VPS13B: variants seen among roughly 807,000 people sequenced by gnomAD.
VPS13B encodes the protein intermembrane lipid transfer protein VPS13B.
In VPS13B, 285 loss-of-function variants were observed where a neutral mutation model predicts 426.4. The observed-to-expected ratio is 0.67, with a 90% confidence interval of 0.61 to 0.74. The LOEUF (loss-of-function observed/expected upper bound fraction) is 0.74. Among genes scored for constraint, VPS13B ranks in the 30% least tolerant of loss-of-function variants. The probability of loss-of-function intolerance (pLI) is 0.00; values close to 1 mark genes in which losing one functional copy is unlikely to be tolerated. For missense variants in VPS13B, 4,537 were observed against 4,782.6 expected (o/e 0.95, Z 1.51); for synonymous variants, 1,676 against 1,676.4 (o/e 1.00, Z 0.01).
intron 19 of VPS13B, among the ~76,000 whole-genome samples, chr8:99,303,726 G>A (rs1458071267): frequency 1.1e-3 from 6 of 5,680 alleles, no homozygotes; most frequent in South Asian, 0.029. Flanking sequence ...GTGAGACTCC[G>A]TCTCAAAAAA....
intron 3 of VPS13B, among the ~76,000 whole-genome samples, chr8:99,088,058 C>T (rs529456550): frequency 2.6e-5 from 4 of 151,770 alleles, no homozygotes; most frequent in South Asian, 2.1e-4. Flanking sequence ...GTGGCATGCA[C>T]GTGTAATCCC....
intron 2 of VPS13B, among the ~76,000 whole-genome samples, chr8:99,021,173 A>G (rs1841863688): frequency 6.6e-6 from 1 of 152,254 alleles, no homozygotes; most frequent in Non-Finnish European, 1.5e-5. Context: ...AAACAGAAGG[A>G]TTAAGTAGCT....
intron 19 of VPS13B, among the ~76,000 whole-genome samples, chr8:99,369,478 G>A (rs1295510382): frequency 1.3e-5 from 2 of 152,158 alleles, no homozygotes; most frequent in Admixed American, 6.5e-5. Flanking sequence ...CAGTGGGCAC[G>A]AGTCTGGGTT....
chr8:99,713,371 G>C (rs1182290883), intron 36 of VPS13B, among the ~76,000 whole-genome samples: 1 of 151,754 alleles, frequency 6.6e-6, no homozygotes, highest in Non-Finnish European at 1.5e-5. Flanking sequence ...GGCTTTCTTA[G>C]TTCTTTTGCT....
chr8:99,196,287 C>T (rs1813919684), intron 17 of VPS13B, among the ~76,000 whole-genome samples: 1 of 151,724 alleles, frequency 6.6e-6, no homozygotes, highest in Non-Finnish European at 1.5e-5. Flanking sequence ...TTTATATCCA[C>T]ATATTTTTGT....
At chr8:99,608,428 G>A (rs1827696272) in intron 33 of VPS13B, among the ~76,000 whole-genome samples, 1 of 151,982 alleles carries the variant, frequency 6.6e-6, no homozygotes, top group Admixed American at 6.6e-5. Context: ...ATGGGGGTAA[G>A]CCACTGCATC....
At chr8:99,701,501 A>G (rs1434755720) in intron 36 of VPS13B, among the ~76,000 whole-genome samples, 1 of 152,168 alleles carries the variant, frequency 6.6e-6, no homozygotes, top group Non-Finnish European at 1.5e-5. Context: ...CTAAAATATT[A>G]AAAATCCTTC....
At chr8:99,812,449 C>G (rs541068172) in intron 44 of VPS13B, among the ~76,000 whole-genome samples, 1 of 152,266 alleles carries the variant, frequency 6.6e-6, no homozygotes, top group Non-Finnish European at 1.5e-5. Flanking sequence ...GCCTAATTAC[C>G]AGGGCCCATT....
chr8:99,458,019 A>T (rs1408173142), intron 23 of VPS13B, among the ~76,000 whole-genome samples: 1 of 151,974 alleles, frequency 6.6e-6, no homozygotes, highest in African/African-American at 2.4e-5. Flanking sequence ...GCACCCATTA[A>T]CTGGTCATTT....
At chr8:99,236,250 A>ATT (rs574131625) in intron 17 of VPS13B, among the ~76,000 whole-genome samples, 4 of 143,818 alleles carry the variant, frequency 2.8e-5, no homozygotes, top group African/African-American at 2.6e-5. Flanking sequence ...GTTGATGTCA[A>ATT]TTTTTTTTTT....
chr8:99,764,906 G>A (rs1811133976), intron 39 of VPS13B, among the ~76,000 whole-genome samples: 1 of 151,854 alleles, frequency 6.6e-6, no homozygotes, highest in Non-Finnish European at 1.5e-5. Context: ...CTTGTGCTTT[G>A]GAATCTCTGT....
Position 99,354,627 on chromosome 8 carries a change from GAGA to G in VPS13B, c.2825-29580_2825-29578del, listed in dbSNP as rs1261965674. Among the ~76,000 whole-genome samples the G allele has an allele frequency of 2.0e-5, 3 of 152,162 alleles. No individual in the cohort carries two copies. The East Asian group carries it at 5.8e-4, about 29-fold the overall frequency. ...TAGAAATTCATTCTGGTTATTTATG[GAGA>G]TGTCTTTTTTAGCTGCCTCTATTCA... On this transcript the variant is annotated intron_variant, in intron 19 of 61. Coordinates refer to ENST00000357162, the MANE Select transcript of VPS13B (RefSeq NM_152564.5).
At chr8:99,757,549 G>T (rs1810702003) in intron 39 of VPS13B, among the ~76,000 whole-genome samples, 1 of 152,198 alleles carries the variant, frequency 6.6e-6, no homozygotes, top group South Asian at 2.1e-4. Context: ...AATCCATGAG[G>T]ACAGATGGGC....
intron 4 of VPS13B, among the ~76,000 whole-genome samples, chr8:99,102,625 TCAAA>T (rs1437374368): frequency 1.2e-4 from 19 of 152,138 alleles, no homozygotes; most frequent in African/African-American, 3.9e-4. Flanking sequence ...TAAGCAAAAA[TCAAA>T]CAAAGTACTT....
At chr8:99,335,046 G>T (rs1478481409) in intron 19 of VPS13B, among the ~76,000 whole-genome samples, 7 of 152,086 alleles carry the variant, frequency 4.6e-5, no homozygotes, top group African/African-American at 1.7e-4. Flanking sequence ...CCTGTTATTG[G>T]TCTATTCAGA....
chr8:99,691,711 A>G (rs918536752), intron 35 of VPS13B, among the ~76,000 whole-genome samples: 66 of 149,016 alleles, frequency 4.4e-4, no homozygotes, highest in African/African-American at 1.6e-3. Context: ...TTAAATGTAA[A>G]TGGACTAAAT....
At chr8:99,095,318 C>A (rs566235733) in intron 3 of VPS13B, among the ~76,000 whole-genome samples, 3 of 152,140 alleles carry the variant, frequency 2.0e-5, no homozygotes, top group Non-Finnish European at 2.9e-5. Context: ...ACACTGTATA[C>A]TCTGGCCTTA....
chr8:99,326,452 CTTTTTTTTTTTTTTTTT>C (rs747097247), intron 19 of VPS13B, among the ~76,000 whole-genome samples: 6 of 32,524 alleles, frequency 1.8e-4, no homozygotes, highest in Middle Eastern at 0.038. Context: ...CTCTAGGTAG[CTTTTTTTTTTTTTTTTT>C]TTTTTTTTTT....
intron 2 of VPS13B, among the ~76,000 whole-genome samples, chr8:99,017,889 G>A (rs779280737): frequency 3.3e-5 from 5 of 152,090 alleles, no homozygotes; most frequent in South Asian, 2.1e-4. Context: ...TGAATCTATC[G>A]ATCAATTTTG....
Sources: gnomAD v4.1 joint callset for allele counts (sites outside exome capture counted in the v4.1 genomes callset) on GRCh38, gnomAD v4.1.1 for gene constraint, MANE v1.5 for transcripts, NCBI Gene and HGNC (gene_info 2026-07-23, HGNC 2026-07-21) for gene names.